The following CYB5R3 variants were observed in gnomAD, a reference collection of about 807,000 sequenced individuals.
CYB5R3 encodes cytochrome b5 reductase 3.
Under a neutral mutation model 36.5 loss-of-function variants are expected in CYB5R3, and 28 were observed. The observed-to-expected ratio is 0.77, with a 90% CI of 0.57 to 1.05. The LOEUF (loss-of-function observed/expected upper bound fraction) is 1.05, where lower values mean the gene tolerates loss of function less well. CYB5R3 is among the 50% of genes least tolerant of loss of function. The pLI, the probability that CYB5R3 is intolerant of heterozygous loss-of-function variation, is 0.00. For missense variants in CYB5R3, 474 were observed against 408.9 expected, an observed-to-expected ratio of 1.16 and a Z score of -1.37; for synonymous variants, 181 against 159.8, an observed-to-expected ratio of 1.13 and a Z score of -1.00.
At chr22:42,637,722 C>T (rs996537355) in intron 1 of CYB5R3, among the ~76,000 whole-genome samples, 5 of 152,218 alleles carry the variant, frequency 3.3e-5, no homozygotes, top group African/African-American at 7.2e-5. Context: ...ACGGCTCTCG[C>T]AGCAACCCCG....
intron 1 of CYB5R3, among the ~76,000 whole-genome samples, chr22:42,639,299 G>C (rs1379591718): frequency 1.3e-5 from 2 of 149,846 alleles, no homozygotes; most frequent in Non-Finnish European, 3.0e-5. Flanking sequence ...ACTCCAGCCT[G>C]GGTGACAGAG....
At position 42,628,265 on chromosome 22, in the gene CYB5R3, G is replaced by C. The variant is rs1800457; in HGVS notation, c.350C>G (p.Thr117Ser). 24,110 of 1,613,922 alleles carry C rather than the reference G, an allele frequency of 0.015. 3,151 individuals carry two copies. In the African/African-American group the frequency reaches 0.28, roughly 19 times the overall value. Reference protein sequence around the residue: ...DLVIKVYFKDTHPKFPAGGKM... With the variant: ...DLVIKVYFKDSHPKFPAGGKM... ...CCCTCCAGCGGGAAACTTGGGATGGGTGTCCTTGAAGTAAACCTGCAAGAC... is the reference window on the plus strand; with the variant it reads ...CCCTCCAGCGGGAAACTTGGGATGGCTGTCCTTGAAGTAAACCTGCAAGAC... Residue 117 changes from threonine (T) to serine (S), a missense_variant, in exon 5 of 9, where the codon ACC (threonine) becomes AGC (serine). By Grantham distance (58) the Thr-to-Ser change is moderately conservative. Transcript: ENST00000352397.
chr22:42,644,503 TA>T (rs1043718517), intron 1 of CYB5R3: 47 of 1,274,310 alleles, frequency 3.7e-5, no homozygotes, highest in Non-Finnish European at 5.2e-5. Flanking sequence ...AGCAAACTCC[TA>T]TTCATTCCTC....
At chr22:42,630,784 G>A in intron 4 of CYB5R3, 98 bp downstream of exon 4, 1 of 1,042,936 alleles carries the variant, frequency 9.6e-7, no homozygotes, top group Non-Finnish European at 1.5e-6. Context: ...GCTGCACAGG[G>A]CAGGAGCGGG....
At chr22:42,628,992 C>G (rs1335544138) in intron 4 of CYB5R3, among the ~76,000 whole-genome samples, 1 of 152,116 alleles carries the variant, frequency 6.6e-6, no homozygotes, top group Non-Finnish European at 1.5e-5. Flanking sequence ...GCAGAGCACA[C>G]TGTCCTGGGC....
At chr22:42,647,560 C>T (rs995829126) in intron 1 of CYB5R3, among the ~76,000 whole-genome samples, 1 of 30,670 alleles carries the variant, frequency 3.3e-5, no homozygotes, top group African/African-American at 1.0e-4. Context: ...CCAGCTTGGC[C>T]AAGATGGCGA....
At chr22:42,644,052 G>C (rs1601950962) in intron 1 of CYB5R3, among the ~76,000 whole-genome samples, 1 of 152,044 alleles carries the variant, frequency 6.6e-6, no homozygotes, top group Admixed American at 6.6e-5. Context: ...TCCAAGCATC[G>C]CTCACCACAT....
At chr22:42,643,231 C>T (rs976575192) in intron 1 of CYB5R3, among the ~76,000 whole-genome samples, 32 of 152,250 alleles carry the variant, frequency 2.1e-4, no homozygotes, top group African/African-American at 6.5e-4. Context: ...CTGTAAAAAG[C>T]GAGGGCCACT....
chr22:42,632,962 T>A (rs1037043786), intron 2 of CYB5R3: 1 of 152,246 alleles, frequency 6.6e-6, no homozygotes, highest in Non-Finnish European at 1.5e-5. Context: ...GGAGGCAAGG[T>A]TGCAGTGAGC....
rs1182161825 is a variant in CYB5R3 at position 42,619,877 on chromosome 22, C to A, written c.802G>T (p.Glu268Ter). 3 of 1,608,308 alleles carry A rather than the reference C, an allele frequency of 1.9e-6. No homozygotes were observed. The highest frequency in any genetic ancestry group is 2.5e-6 in the Non-Finnish European group (3 of 1,177,682). Residue 268 changes from glutamate to a stop codon, truncating the protein, a stop_gained, in exon 9 of 9, where the codon GAG becomes TAG. Coordinates refer to ENST00000352397, the MANE Select transcript of CYB5R3 (RefSeq NM_000398.7). LOFTEE classifies it high-confidence loss of function. ...IRDHLPPPEE[E>*]PLVLMCGPPP... ...GGGCCACACATCAGCACCAGCGGCTCCTCCTCTGGGGGTGGAAGGTGGTCC... is the reference window on the plus strand; with the variant it reads ...GGGCCACACATCAGCACCAGCGGCTACTCCTCTGGGGGTGGAAGGTGGTCC...
At chr22:42,628,024 G>T in intron 5 of CYB5R3, 128 bp downstream of exon 5, 1 of 1,341,146 alleles carries the variant, frequency 7.5e-7, no homozygotes, top group Non-Finnish European at 1.1e-6. Context: ...TTCCCAGAGA[G>T]GGACAGCTGG....
intron 1 of CYB5R3, among the ~76,000 whole-genome samples, chr22:42,647,333 G>A (rs1047100043): frequency 6.6e-6 from 1 of 152,208 alleles, no homozygotes; most frequent in Admixed American, 6.5e-5. Context: ...TATGGAATGA[G>A]GCCAAGAACG....
In CYB5R3 at chr22:42,619,906, A is replaced by G; in HGVS notation, c.773T>C (p.Ile258Thr). Residue 258 changes from isoleucine to threonine, a missense_variant, in exon 9 of 9, where the codon ATC (isoleucine) becomes ACC (threonine). By Grantham distance (89) the Ile-to-Thr change is moderately conservative (BLOSUM62 -1). Coordinates refer to ENST00000352397, the MANE Select transcript of CYB5R3 (RefSeq NM_000398.7). ...YGQGFVNEEMIRDHLPPPEEE... is the reference protein window; with the variant it reads ...YGQGFVNEEMTRDHLPPPEEE... ...CTCTGGGGGTGGAAGGTGGTCCCGG[A>G]TCATCTCCTCATTCACGAAGCCCTG... is the stretch of plus-strand genomic sequence containing the variant. 6.2e-7 allele frequency: 1 copy of G among 1,608,108 alleles called. No homozygotes were observed. Among genetic ancestry groups the G allele is most frequent in the South Asian group, 1.1e-5 (1 of 89,830 alleles).
chr22:42,630,844 C>T (rs1311204349), intron 4 of CYB5R3, 38 bp downstream of exon 4: 1 of 1,558,996 alleles, frequency 6.4e-7, no homozygotes, highest in Non-Finnish European at 8.8e-7. Context: ...TGGCCACCCA[C>T]CCACACCCCC....
At chr22:42,622,794 T>C (rs1170233074) in intron 8 of CYB5R3, among the ~76,000 whole-genome samples, 1 of 152,156 alleles carries the variant, frequency 6.6e-6, no homozygotes, top group Non-Finnish European at 1.5e-5. Flanking sequence ...CATGGATTAG[T>C]CCTGAGGAAA....
At chr22:42,627,906 G>C (rs952817684) in intron 5 of CYB5R3, among the ~76,000 whole-genome samples, 12 of 152,132 alleles carry the variant, frequency 7.9e-5, no homozygotes, top group African/African-American at 2.7e-4. Flanking sequence ...TTCAGATGCT[G>C]AGAAAGCCAA....
At chr22:42,621,228 G>T (rs1200094261) in intron 8 of CYB5R3, among the ~76,000 whole-genome samples, 3 of 148,250 alleles carry the variant, frequency 2.0e-5, no homozygotes, top group African/African-American at 7.6e-5. Context: ...GTTTTTAAGA[G>T]ACAGGAATTG....
chr22:42,648,842 A>G (rs1929641810), intron 1 of CYB5R3, among the ~76,000 whole-genome samples: 1 of 136,218 alleles, frequency 7.3e-6, no homozygotes, highest in Non-Finnish European at 1.6e-5. Context: ...ACTCCCGTAC[A>G]CACACACACA....
At chr22:42,641,838 C>G (rs1231011820) in intron 1 of CYB5R3, among the ~76,000 whole-genome samples, 5 of 151,912 alleles carry the variant, frequency 3.3e-5, no homozygotes, top group Non-Finnish European at 5.9e-5. Context: ...CCAGGCTGGT[C>G]TCATCGAACT....
Sources: allele counts gnomAD v4.1 joint callset (sites outside exome capture counted in the v4.1 genomes callset), GRCh38; gene constraint gnomAD v4.1.1; transcripts MANE v1.5; gene names NCBI Gene and HGNC (gene_info 2026-07-23, HGNC 2026-07-21).